The following FSTL5 variants were observed in gnomAD, a reference collection of about 807,000 sequenced individuals.
The protein encoded by FSTL5 is follistatin like 5.
In FSTL5, 62 loss-of-function variants were observed where a neutral mutation model predicts 89.1. That is an observed-to-expected ratio of 0.70 (90% confidence interval 0.57 to 0.86). The LOEUF (loss-of-function observed/expected upper bound fraction) is 0.86, where lower values mean the gene tolerates loss of function less well. FSTL5 is among the 40% of genes least tolerant of loss of function. The pLI, the probability that FSTL5 is intolerant of heterozygous loss-of-function variation, is 0.00. For missense variants in FSTL5, 1,057 were observed against 1,001.6 expected (o/e 1.06, Z -0.75); for synonymous variants, 383 against 346.2 (o/e 1.11, Z -1.18).
intron 15 of FSTL5, among the ~76,000 whole-genome samples, chr4:161,404,452 T>C (rs1029289922): frequency 5.3e-5 from 8 of 152,182 alleles, no homozygotes; most frequent in African/African-American, 1.7e-4. Context: ...TGTAGACTCA[T>C]GTAAACAGGA....
chr4:161,628,649 A>G (rs753454257), intron 7 of FSTL5, among the ~76,000 whole-genome samples: 9 of 152,190 alleles, frequency 5.9e-5, no homozygotes, highest in Admixed American at 1.3e-4. Flanking sequence ...TTAAATCCCA[A>G]TGAAATTTAG....
At chr4:162,133,232 T>C (rs772257164) in intron 1 of FSTL5, among the ~76,000 whole-genome samples, 3 of 152,212 alleles carry the variant, frequency 2.0e-5, no homozygotes, top group South Asian at 2.1e-4. Flanking sequence ...CATTTAAACT[T>C]CTAACAGTAT....
At chr4:161,623,172 TCAGA>T (rs970859915) in intron 7 of FSTL5, among the ~76,000 whole-genome samples, 8 of 152,080 alleles carry the variant, frequency 5.3e-5, no homozygotes, top group African/African-American at 1.7e-4. Flanking sequence ...ACATCATACT[TCAGA>T]GACAAACTCT....
chr4:162,119,265 A>C (rs1356701882), intron 1 of FSTL5, among the ~76,000 whole-genome samples: 1 of 152,052 alleles, frequency 6.6e-6, no homozygotes. Context: ...TGAATCAGAT[A>C]AAAGATACTT....
At chr4:161,550,280 A>G (rs879856592) in intron 8 of FSTL5, among the ~76,000 whole-genome samples, 1 of 151,946 alleles carries the variant, frequency 6.6e-6, no homozygotes, top group Non-Finnish European at 1.5e-5. Context: ...TACAATATAC[A>G]CAAGCTTGCA....
chr4:161,870,976 T>A lies in FSTL5; in HGVS notation c.409+49428A>T, dbSNP rs112141820. On this transcript the variant is annotated intron_variant, in intron 4 of 15. Transcript: ENST00000306100. ...ACATCTAAATCAGTAATTTTATTTA[T>A]ATCTTTAAAAATATAGCCACTTCTT... Among the ~76,000 whole-genome samples the A allele has an allele frequency of 4.6e-3, 696 of 152,282 alleles. 5 individuals carry two copies. Among genetic ancestry groups the A allele is most frequent in the African/African-American group, 0.016 (648 of 41,586 alleles).
At chr4:161,922,748 G>C (rs1734026288) in intron 3 of FSTL5, among the ~76,000 whole-genome samples, 2 of 151,982 alleles carry the variant, frequency 1.3e-5, no homozygotes, top group African/African-American at 4.8e-5. Flanking sequence ...AAGATGAGAA[G>C]TTAATGCTAT....
chr4:161,828,850 C>T (rs1002569638), intron 4 of FSTL5, among the ~76,000 whole-genome samples: 2 of 151,802 alleles, frequency 1.3e-5, no homozygotes, highest in African/African-American at 4.8e-5. Flanking sequence ...ATAAATGCAA[C>T]CTGCATACAA....
At chr4:161,987,927 T>C (rs754162211) in intron 3 of FSTL5, among the ~76,000 whole-genome samples, 6 of 150,916 alleles carry the variant, frequency 4.0e-5, no homozygotes, top group Admixed American at 6.7e-5. Flanking sequence ...CCAACTTCTT[T>C]CTTTTACAGA....
intron 8 of FSTL5, among the ~76,000 whole-genome samples, chr4:161,545,816 A>C (rs1731986870): frequency 6.6e-6 from 1 of 152,030 alleles, no homozygotes; most frequent in Non-Finnish European, 1.5e-5. Flanking sequence ...CTTTATAATT[A>C]AAATAATTTG....
chr4:161,795,796 T>C (rs1335529742), intron 4 of FSTL5, among the ~76,000 whole-genome samples: 1 of 152,096 alleles, frequency 6.6e-6, no homozygotes, highest in African/African-American at 2.4e-5. Flanking sequence ...TGTTAATTGG[T>C]CTATGTATCT....
At chr4:162,039,217 TA>T (rs1001691451) in intron 2 of FSTL5, among the ~76,000 whole-genome samples, 78 of 151,704 alleles carry the variant, frequency 5.1e-4, no homozygotes, top group African/African-American at 1.8e-3. Flanking sequence ...CTTGCTTATA[TA>T]AAAAAAGAAG....
At chr4:161,581,187 T>C (rs1328655034) in intron 8 of FSTL5, among the ~76,000 whole-genome samples, 5 of 152,204 alleles carry the variant, frequency 3.3e-5, no homozygotes, top group African/African-American at 7.2e-5. Context: ...ACCAGAAGGT[T>C]TGTTAGAACA....
chr4:161,871,540 C>G, intron 4 of FSTL5, among the ~76,000 whole-genome samples: 1 of 152,034 alleles, frequency 6.6e-6, no homozygotes, highest in Admixed American at 6.6e-5. Flanking sequence ...ATAACATAAA[C>G]CTACATATAT....
At chr4:161,431,583 C>G (rs1213184715) in intron 15 of FSTL5, among the ~76,000 whole-genome samples, 1 of 151,642 alleles carries the variant, frequency 6.6e-6, no homozygotes, top group East Asian at 1.9e-4. Flanking sequence ...CAGAAAACAA[C>G]AATAAAATGG....
At chr4:162,014,899 G>A (rs1438702724) in intron 3 of FSTL5, among the ~76,000 whole-genome samples, 1 of 152,050 alleles carries the variant, frequency 6.6e-6, no homozygotes, top group Non-Finnish European at 1.5e-5. Flanking sequence ...AATAAGATAA[G>A]TTCTTTTCCA....
intron 2 of FSTL5, among the ~76,000 whole-genome samples, chr4:162,076,032 T>C (rs769765319): frequency 3.3e-5 from 5 of 151,882 alleles, no homozygotes; most frequent in Non-Finnish European, 4.4e-5. Context: ...CTTTCTTAGT[T>C]TCTGTTTCTG....
At chr4:162,072,376 A>G (rs1729662965) in intron 2 of FSTL5, among the ~76,000 whole-genome samples, 1 of 151,858 alleles carries the variant, frequency 6.6e-6, no homozygotes, top group Non-Finnish European at 1.5e-5. Context: ...TATAAAGGTG[A>G]AATGAAATAC....
At chr4:161,925,672 G>A (rs1734101563) in intron 3 of FSTL5, among the ~76,000 whole-genome samples, 1 of 151,746 alleles carries the variant, frequency 6.6e-6, no homozygotes, top group African/African-American at 2.4e-5. Flanking sequence ...TAGAGTATCT[G>A]CTTAACAAAT....
Sources: gnomAD v4.1 joint callset for allele counts (sites outside exome capture counted in the v4.1 genomes callset) on GRCh38, gnomAD v4.1.1 for gene constraint, MANE v1.5 for transcripts, NCBI Gene and HGNC (gene_info 2026-07-23, HGNC 2026-07-21) for gene names.